PLEKHG1: variants seen among roughly 807,000 people sequenced by gnomAD.
The protein encoded by PLEKHG1 is pleckstrin homology and RhoGEF domain containing G1.
In PLEKHG1, 44 loss-of-function variants were observed where a neutral mutation model predicts 100.8. That is an observed-to-expected ratio of 0.44 (90% CI 0.34 to 0.56). The LOEUF is 0.56. PLEKHG1 is among the 20% of genes least tolerant of loss of function. PLEKHG1 has a pLI of 0.01. For synonymous variants in PLEKHG1, 640 were observed against 662.5 expected (o/e 0.97, Z 0.52); for missense variants, 1,545 against 1,720.9 (o/e 0.90, Z 1.81).
intron 3 of PLEKHG1, among the ~76,000 whole-genome samples, chr6:150,695,199 T>G (rs2128595538): frequency 6.6e-6 from 1 of 152,362 alleles, no homozygotes; most frequent in South Asian, 2.1e-4. Context: ...TTAAACCTAC[T>G]CTGATTTCCA....
At chr6:150,702,267 C>T (rs1780820470) in intron 3 of PLEKHG1, among the ~76,000 whole-genome samples, 1 of 152,026 alleles carries the variant, frequency 6.6e-6, no homozygotes, top group African/African-American at 2.4e-5. Context: ...GTCAGGAGTT[C>T]AAGACCAGCC....
intron 1 of PLEKHG1, among the ~76,000 whole-genome samples, chr6:150,628,577 C>CACACACACACACACACACACATA (rs3046186): frequency 1.4e-5 from 2 of 147,300 alleles, no homozygotes; most frequent in African/African-American, 2.5e-5. Flanking sequence ...CACACACACA[C>CACACACACACACACACACACATA]CCCGTCCTTG....
rs73780048 is a variant in PLEKHG1 at position 150,607,035 on chromosome 6, T to G, written c.-204+7018T>G. ...TTCCTTCCTGAGCTACCCCCTTCCCTTCCCTCCAACTTCTCGTGTGATTAA... is the reference window on the plus strand; with the variant it reads ...TTCCTTCCTGAGCTACCCCCTTCCCGTCCCTCCAACTTCTCGTGTGATTAA... On this transcript the variant is annotated intron_variant, in intron 1 of 3. Coordinates refer to the PLEKHG1 transcript ENST00000367326. Among the ~76,000 whole-genome samples, 821 of 152,224 alleles carry G rather than the reference T, an allele frequency of 5.4e-3. 9 individuals are homozygous for G. The highest frequency in any genetic ancestry group is 0.019 in the African/African-American group (784 of 41,538).
intron 2 of PLEKHG1, among the ~76,000 whole-genome samples, chr6:150,766,044 G>A (rs748682396): frequency 4.6e-5 from 7 of 152,134 alleles, no homozygotes; most frequent in Non-Finnish European, 7.3e-5. Context: ...GAGGCTGCTC[G>A]TGTGCAAATC....
At chr6:150,626,297 A>G (rs1777507169) in intron 1 of PLEKHG1, among the ~76,000 whole-genome samples, 1 of 152,186 alleles carries the variant, frequency 6.6e-6, no homozygotes, top group Admixed American at 6.5e-5. Flanking sequence ...TTGCCTAAAG[A>G]AAGGGTGTTA....
At chr6:150,758,021 T>G (rs1166783966) in intron 2 of PLEKHG1, among the ~76,000 whole-genome samples, 1 of 152,224 alleles carries the variant, frequency 6.6e-6, no homozygotes, top group African/African-American at 2.4e-5. Context: ...CATTCCTTTT[T>G]ATGGCTGTAT....
intron 15 of PLEKHG1, among the ~76,000 whole-genome samples, chr6:150,838,752 G>C (rs1777361317): frequency 6.6e-6 from 1 of 152,014 alleles, no homozygotes; most frequent in Admixed American, 6.6e-5. Context: ...AAAAGCTTTT[G>C]TGGAAGTAAC....
intron 3 of PLEKHG1, among the ~76,000 whole-genome samples, chr6:150,671,108 T>C (rs1430046390): frequency 6.6e-6 from 1 of 151,580 alleles, no homozygotes; most frequent in African/African-American, 2.4e-5. Context: ...TATATATATA[T>C]ATACACACAC....
At chr6:150,743,353 T>C (rs772428359) in intron 2 of PLEKHG1, among the ~76,000 whole-genome samples, 3 of 151,876 alleles carry the variant, frequency 2.0e-5, no homozygotes, top group Admixed American at 1.3e-4. Context: ...AAACCCTGTC[T>C]CTACTAAAAA....
intron 15 of PLEKHG1, among the ~76,000 whole-genome samples, chr6:150,838,394 G>A (rs1044247307): frequency 1.3e-5 from 2 of 151,422 alleles, no homozygotes; most frequent in Non-Finnish European, 3.0e-5. Context: ...AAACATTAAG[G>A]GTTTTTTTTA....
chr6:150,744,808 A>G (rs1435712458), intron 2 of PLEKHG1, among the ~76,000 whole-genome samples: 1 of 152,176 alleles, frequency 6.6e-6, no homozygotes, highest in African/African-American at 2.4e-5. Flanking sequence ...GAGCTGGGAC[A>G]AATAGTTGAG....
chr6:150,631,329 C>T lies in PLEKHG1; in HGVS notation c.-203-6751C>T, dbSNP rs575217972. Among the ~76,000 whole-genome samples the T allele has an allele frequency of 7.9e-5, 12 of 152,354 alleles. No individual in the cohort carries two copies. In the South Asian group the frequency reaches 2.5e-3, roughly 32 times the overall value. On this transcript the variant is annotated intron_variant, in intron 1 of 3. Transcript: ENST00000367326. ...CCACCTTTTTTCCATCCAGCACCCT[C>T]CTCCCCAGGTCTGCGTTTTAGGCAG... is the stretch of plus-strand genomic sequence containing the variant.
intron 2 of PLEKHG1, among the ~76,000 whole-genome samples, chr6:150,753,561 G>A (rs1400303187): frequency 6.6e-6 from 1 of 152,130 alleles, no homozygotes; most frequent in Non-Finnish European, 1.5e-5. Flanking sequence ...GCTTTTGTCT[G>A]ATTTTCCATA....
intron 2 of PLEKHG1, among the ~76,000 whole-genome samples, chr6:150,763,315 G>A (rs1481917087): frequency 6.6e-6 from 1 of 152,088 alleles, no homozygotes; most frequent in East Asian, 1.9e-4. Flanking sequence ...ACAGGTGTGA[G>A]CCACCGTGCC....
intron 3 of PLEKHG1, among the ~76,000 whole-genome samples, chr6:150,706,997 T>G (rs1781045265): frequency 2.4e-5 from 2 of 81,902 alleles, no homozygotes. Context: ...TTTTTCTTTT[T>G]CTTTTTTTTT....
intron 1 of PLEKHG1, among the ~76,000 whole-genome samples, chr6:150,727,063 T>A (rs927011413): frequency 6.6e-6 from 1 of 152,168 alleles, no homozygotes; most frequent in Non-Finnish European, 1.5e-5. Flanking sequence ...CCTCCCCTCT[T>A]TGAGTAATTC....
chr6:150,810,793 T>C (rs1439774660), intron 10 of PLEKHG1, among the ~76,000 whole-genome samples: 1 of 151,956 alleles, frequency 6.6e-6, no homozygotes, highest in African/African-American at 2.4e-5. Context: ...TGGTAGCACG[T>C]GCCTGTAGTC....
At chr6:150,777,792 G>T (rs528103182) in intron 3 of PLEKHG1, among the ~76,000 whole-genome samples, 1 of 151,680 alleles carries the variant, frequency 6.6e-6, no homozygotes, top group Non-Finnish European at 1.5e-5. Flanking sequence ...GCACATGTGC[G>T]GTTGCACATC....
chr6:150,634,250 C>CAAAAA (rs139347441), intron 1 of PLEKHG1, among the ~76,000 whole-genome samples: 3 of 120,330 alleles, frequency 2.5e-5, no homozygotes, highest in African/African-American at 9.6e-5. Flanking sequence ...ATCTCCCCCC[C>CAAAAA]AAAAAAAAAA....
Sources: gnomAD v4.1 joint callset for allele counts (sites outside exome capture counted in the v4.1 genomes callset) on GRCh38, gnomAD v4.1.1 for gene constraint, MANE v1.5 for transcripts, NCBI Gene and HGNC (gene_info 2026-07-23, HGNC 2026-07-21) for gene names.